The following TPO variants were observed in gnomAD, a reference collection of about 807,000 sequenced individuals.
TPO encodes thyroid peroxidase.
Under a neutral mutation model 96.9 loss-of-function variants are expected in TPO, and 78 were observed. That is an observed-to-expected ratio of 0.81 (90% confidence interval 0.67 to 0.97). The LOEUF is 0.97. Ranked by LOEUF, TPO falls within the 50% of genes least tolerant of loss-of-function variation. The pLI, the probability that TPO is intolerant of heterozygous loss-of-function variation, is 0.00. For synonymous variants in TPO, 547 were observed against 538.0 expected (o/e 1.02, Z -0.23); for missense variants, 1,252 against 1,274.8 (o/e 0.98, Z 0.27).
intron 2 of TPO, among the ~76,000 whole-genome samples, chr2:1,421,822 C>T (rs28910011): frequency 0.059 from 8,977 of 152,252 alleles, 358 homozygotes; most frequent in South Asian, 0.15. Flanking sequence ...CCTCCCCTCT[C>T]GGCTCCTACT....
At chr2:1,383,852 T>C (rs1345323979) in intron 1 of TPO, among the ~76,000 whole-genome samples, 1 of 152,224 alleles carries the variant, frequency 6.6e-6, no homozygotes, top group African/African-American at 2.4e-5. Flanking sequence ...TTCTTCTAGG[T>C]CTAACATTTA....
chr2:1,478,610 T>TGGCG (rs1345757537), intron 8 of TPO, among the ~76,000 whole-genome samples: 1 of 152,228 alleles, frequency 6.6e-6, no homozygotes, highest in Admixed American at 6.5e-5. Flanking sequence ...AGTTCCTGGG[T>TGGCG]GGCGAGGGGA....
At chr2:1,505,601 GTTGT>G (rs770077222) in intron 14 of TPO, among the ~76,000 whole-genome samples, 57 of 149,342 alleles carry the variant, frequency 3.8e-4, no homozygotes, top group Non-Finnish European at 7.4e-4. Flanking sequence ...TGTTGTTGTT[GTTGT>G]TTGTTTTTAT....
chr2:1,394,300 G>A (rs1337951043), intron 1 of TPO, among the ~76,000 whole-genome samples: 1 of 152,164 alleles, frequency 6.6e-6, no homozygotes, highest in Non-Finnish European at 1.5e-5. Context: ...GTAATGGAAC[G>A]TATAAAGGGG....
chr2:1,415,778 C>A (rs185798159), intron 2 of TPO, among the ~76,000 whole-genome samples: 23 of 152,340 alleles, frequency 1.5e-4, no homozygotes, highest in Admixed American at 1.2e-3. Flanking sequence ...CGTTCAGGGT[C>A]ACAGAATCTG....
At chr2:1,487,356 G>T (rs1298154676) in intron 9 of TPO, among the ~76,000 whole-genome samples, 1 of 152,192 alleles carries the variant, frequency 6.6e-6, no homozygotes. Flanking sequence ...CTGCCAACAA[G>T]GGCAGTGTCC....
At chr2:1,527,207 C>G (rs1676774239) in intron 15 of TPO, among the ~76,000 whole-genome samples, 1 of 142,900 alleles carries the variant, frequency 7.0e-6, no homozygotes, top group African/African-American at 2.7e-5. Flanking sequence ...CCCAAATCCC[C>G]CAACTATATG....
intron 16 of TPO, 130 bp from the exon 17 acceptor site, chr2:1,542,291 G>A (rs1024957803): frequency 1.6e-6 from 2 of 1,239,878 alleles, no homozygotes; most frequent in Non-Finnish European, 2.3e-6. Context: ...CAAGAAGGAT[G>A]GCTCATCTCG....
chr2:1,450,124 G>A (rs763669876), intron 5 of TPO, among the ~76,000 whole-genome samples: 2 of 152,160 alleles, frequency 1.3e-5, no homozygotes, highest in African/African-American at 2.4e-5. Context: ...AGCTGACTTC[G>A]TCCACAGTTT....
intron 3 of TPO, among the ~76,000 whole-genome samples, chr2:1,432,884 G>T (rs1039803607): frequency 3.9e-5 from 6 of 152,098 alleles, no homozygotes; most frequent in Admixed American, 1.3e-4. Context: ...TTCAGATGAG[G>T]CAGGCTTCAC....
intron 3 of TPO, among the ~76,000 whole-genome samples, chr2:1,427,891 C>G (rs980699768): frequency 6.6e-6 from 1 of 152,132 alleles, no homozygotes; most frequent in African/African-American, 2.4e-5. Flanking sequence ...CCATTTGAGT[C>G]TGTTTACTGT....
intron 15 of TPO, among the ~76,000 whole-genome samples, chr2:1,526,222 C>A (rs1269716841): frequency 1.9e-5 from 2 of 107,170 alleles, no homozygotes; most frequent in Non-Finnish European, 1.9e-5. Context: ...TCAAATCCCC[C>A]CGATGTGTGC....
chr2:1,543,214 AAAGCTGCCGTCCTCATTTCACATGTG>A lies in TPO; in HGVS notation c.*745_*770del, dbSNP rs1211796310. Reference sequence around the variant, plus strand: ...GGCACCGTTAGCCACGCGACCCTGTAAAGCTGCCGTCCTCATTTCACATGTGAAGCAGCTGAATTCCAGAGTGCTGG... The same window carrying A: ...GGCACCGTTAGCCACGCGACCCTGTAAAGCAGCTGAATTCCAGAGTGCTGG... On this transcript the variant is annotated 3_prime_UTR_variant, in exon 17 of 17. Coordinates refer to ENST00000329066, the MANE Select transcript of TPO (RefSeq NM_001206744.2). The A allele has an allele frequency of 6.6e-6, 1 of 152,560 alleles. No homozygotes were observed. The highest frequency in any genetic ancestry group is 1.5e-5 in the Non-Finnish European group (1 of 68,374). The allele number at this position is 152,560 out of a possible 1,614,324, so 9.5% of individuals were successfully genotyped here. A position where few individuals can be genotyped will look rare whatever the true frequency, so the allele number is the denominator to read the frequency against.
intron 7 of TPO, among the ~76,000 whole-genome samples, chr2:1,474,533 C>G (rs540187986): frequency 2.0e-5 from 3 of 152,140 alleles, no homozygotes; most frequent in Non-Finnish European, 2.9e-5. Context: ...CCTATCCTTT[C>G]GAGATTTGAT....
At chr2:1,540,371 T>C (rs1331351284) in intron 15 of TPO, among the ~76,000 whole-genome samples, 1 of 152,182 alleles carries the variant, frequency 6.6e-6, no homozygotes, top group Non-Finnish European at 1.5e-5. Flanking sequence ...TCCTCTTGGC[T>C]GCAAATTCTA....
chr2:1,382,342 T>C (rs1661823286), intron 1 of TPO, among the ~76,000 whole-genome samples: 1 of 152,116 alleles, frequency 6.6e-6, no homozygotes, highest in Admixed American at 6.5e-5. Flanking sequence ...GTAAGCTTCC[T>C]CCTTGAAGGG....
chr2:1,399,308 C>T (rs190503276), intron 1 of TPO, among the ~76,000 whole-genome samples: 11 of 152,356 alleles, frequency 7.2e-5, no homozygotes, highest in Middle Eastern at 3.4e-3. Context: ...AGCAGCCTGA[C>T]GATGGGCTTC....
intron 10 of TPO, among the ~76,000 whole-genome samples, chr2:1,492,960 G>A (rs1432282100): frequency 6.6e-6 from 1 of 152,090 alleles, no homozygotes; most frequent in South Asian, 2.1e-4. Flanking sequence ...GATGAGGGAC[G>A]AAGGCAGATG....
intron 7 of TPO, among the ~76,000 whole-genome samples, chr2:1,464,521 G>A (rs774641598): frequency 2.0e-5 from 3 of 152,114 alleles, no homozygotes; most frequent in Admixed American, 6.5e-5. Flanking sequence ...TACCAGCAGG[G>A]TAGAAGTGTT....
Sources: allele counts gnomAD v4.1 joint callset (sites outside exome capture counted in the v4.1 genomes callset), GRCh38; gene constraint gnomAD v4.1.1; transcripts MANE v1.5; gene names NCBI Gene and HGNC (gene_info 2026-07-23, HGNC 2026-07-21).